CEP68: variants seen among roughly 807,000 people sequenced by gnomAD.
CEP68 encodes centrosomal protein of 68 kDa.
CEP68 carries 26 observed loss-of-function variants against 55.3 expected under a neutral mutation model. The observed-to-expected ratio is 0.47, with a 90% CI of 0.34 to 0.65. CEP68 has a LOEUF of 0.65. Ranked by LOEUF, CEP68 falls within the 30% of genes least tolerant of loss-of-function variation. CEP68 has a pLI of 0.01. For synonymous variants in CEP68, 402 were observed against 383.2 expected (o/e 1.05, Z -0.57); for missense variants, 957 against 946.7 (o/e 1.01, Z -0.14).
rs192550888 is a variant in CEP68, at chr2:65,073,198, C to T, written c.1884+218C>T. ...GAAAGAGCAGAGAGAGGTTAGGTAACGTGCCCACTTATAATTAGCAAGGGC... is the reference window on the plus strand; with the variant it reads ...GAAAGAGCAGAGAGAGGTTAGGTAATGTGCCCACTTATAATTAGCAAGGGC... On this transcript the variant is annotated intron_variant, in intron 3 of 6. Transcript: ENST00000377990. 22 of 624,220 alleles carry T rather than the reference C, an allele frequency of 3.5e-5. No individual in the cohort carries two copies. The East Asian group carries it at 4.6e-4, about 13-fold the overall frequency. The allele number at this position is 624,220 out of a possible 1,614,324, so 38.7% of individuals were successfully genotyped here.
intron 5 of CEP68, chr2:65,080,688 G>A (rs957765679): frequency 3.1e-6 from 1 of 320,352 alleles, no homozygotes. Context: ...CATGGTGGCG[G>A]GCGCCTGTAA....
chr2:65,068,033 C>T (rs1182057563), intron 1 of CEP68, among the ~76,000 whole-genome samples: 1 of 152,196 alleles, frequency 6.6e-6, no homozygotes, highest in African/African-American at 2.4e-5. Flanking sequence ...GCAGGCTCTC[C>T]ACCAGCATCT....
chr2:65,078,055 A>G (rs1228808448), intron 5 of CEP68, 91 bp downstream of exon 5: 56 of 910,906 alleles, frequency 6.1e-5, no homozygotes, highest in Non-Finnish European at 9.2e-5. Context: ...AGGAGCTGGT[A>G]CCACAAGAGC....
intron 2 of CEP68, chr2:65,071,250 A>G: frequency 1.7e-6 from 1 of 587,496 alleles, no homozygotes; most frequent in Non-Finnish European, 3.0e-6. Flanking sequence ...GATGGGAGTC[A>G]TCTTGCTTCC....
intron 3 of CEP68, 127 bp from the exon 4 acceptor site, chr2:65,074,155 C>A: frequency 8.9e-7 from 1 of 1,119,628 alleles, no homozygotes; most frequent in Non-Finnish European, 1.3e-6. Flanking sequence ...GACAGGTGAG[C>A]AAGGAGGAGA....
At chr2:65,064,820 C>CA (rs1289845654) in intron 1 of CEP68, among the ~76,000 whole-genome samples, 1 of 151,958 alleles carries the variant, frequency 6.6e-6, no homozygotes, top group Non-Finnish European at 1.5e-5. Flanking sequence ...TTTTCTAGCT[C>CA]ACGGGCGCAG....
intron 1 of CEP68, among the ~76,000 whole-genome samples, chr2:65,057,714 C>T (rs528203178): frequency 3.3e-5 from 5 of 152,302 alleles, no homozygotes; most frequent in Admixed American, 2.6e-4. Context: ...ACAACAGAAA[C>T]ATTTATTTAA....
chr2:65,080,362 T>G, intron 5 of CEP68: 1 of 985,242 alleles, frequency 1.0e-6, no homozygotes, highest in Non-Finnish European at 1.2e-6. Flanking sequence ...GTTTCCCCCT[T>G]GAGACGTCAG....
At chr2:65,076,598 T>A (rs1676773279) in intron 4 of CEP68, among the ~76,000 whole-genome samples, 1 of 151,900 alleles carries the variant, frequency 6.6e-6, no homozygotes, top group Non-Finnish European at 1.5e-5. Flanking sequence ...TGTTCACATA[T>A]TTTAACTGTG....
intron 1 of CEP68, among the ~76,000 whole-genome samples, chr2:65,065,090 G>A (rs185706562): frequency 2.0e-5 from 3 of 152,330 alleles, no homozygotes; most frequent in South Asian, 2.1e-4. Flanking sequence ...CAGAGGCTTC[G>A]TTTCCCCATC....
chr2:65,074,500 T>C (rs778120426), intron 4 of CEP68, 96 bp downstream of exon 4: 66 of 1,552,184 alleles, frequency 4.3e-5, no homozygotes, highest in Non-Finnish European at 1.2e-5. Flanking sequence ...ATGTCTGGTA[T>C]GTTATAGCTC....
intron 4 of CEP68, 24 bp from the exon 5 acceptor site, chr2:65,077,842 CTT>C (rs1558567512): frequency 1.9e-6 from 3 of 1,559,984 alleles, no homozygotes; most frequent in East Asian, 4.5e-5. Flanking sequence ...AAGCTTCTGC[CTT>C]TTCTTTTTCT....
At chr2:65,069,279 ACCATTTGTTT>A in intron 1 of CEP68, 110 bp from the exon 2 acceptor site, 1 of 586,030 alleles carries the variant, frequency 1.7e-6, no homozygotes, top group Non-Finnish European at 3.0e-6. Flanking sequence ...GGAAGTAGTC[ACCATTTGTTT>A]CCTTTTTTCT....
intron 5 of CEP68, among the ~76,000 whole-genome samples, chr2:65,081,538 C>A (rs1677017340): frequency 6.6e-6 from 1 of 152,164 alleles, no homozygotes; most frequent in Admixed American, 6.5e-5. Flanking sequence ...GAAACTAAGA[C>A]AGCCTTTGTG....
rs142301813 is a variant in CEP68, at chr2:65,086,294, T to C, written c.*2660T>C. Reference sequence around the variant, plus strand: ...ACTCTTCTTCACTATGTAAACTAATTTATGGCAGCACCTTATATTTAGAAC... The same window carrying C: ...ACTCTTCTTCACTATGTAAACTAATCTATGGCAGCACCTTATATTTAGAAC... On this transcript the variant is annotated 3_prime_UTR_variant, in exon 7 of 7. Coordinates refer to ENST00000377990, the MANE Select transcript of CEP68 (RefSeq NM_015147.3). The C allele has an allele frequency of 6.6e-6, 1 of 152,358 alleles. No individual in the cohort carries two copies. Among genetic ancestry groups the C allele is most frequent in the East Asian group, 1.9e-4 (1 of 5,186 alleles). 9.4% of individuals were successfully genotyped at this position (152,358 alleles called of 1,614,324 possible). A position where few individuals can be genotyped will look rare whatever the true frequency, so the allele number is the denominator to read the frequency against.
chr2:65,072,455 G>A lies in CEP68; in HGVS notation c.1359G>A (p.Glu453=), dbSNP rs1676531432. 1 of 1,614,000 alleles carries A rather than the reference G, an allele frequency of 6.2e-7. No individual in the cohort carries two copies. The highest frequency in any genetic ancestry group is 8.5e-7 in the Non-Finnish European group (1 of 1,180,038). The change falls in exon 3 of 7, where the codon GAG becomes GAA. Residue 453 remains glutamate (E), a synonymous_variant. Coordinates refer to ENST00000377990, the MANE Select transcript of CEP68 (RefSeq NM_015147.3). ...GGCCCTCGCCCAGGCCAGAGAGGGA[G>A]AAGAGGACCAGCCAGAGTGCCCGGC... ...RGWPSPRPER[E]KRTSQSARRP...
chr2:65,065,112 G>T (rs1392442316), intron 1 of CEP68, among the ~76,000 whole-genome samples: 1 of 152,240 alleles, frequency 6.6e-6, no homozygotes, highest in African/African-American at 2.4e-5. Flanking sequence ...GTGACGTGAG[G>T]ATTAAAGACC....
chr2:65,065,344 A>G (rs1676114700), intron 1 of CEP68, among the ~76,000 whole-genome samples: 1 of 152,242 alleles, frequency 6.6e-6, no homozygotes, highest in South Asian at 2.1e-4. Flanking sequence ...CCAAATGTCC[A>G]CTAATAAGGG....
chr2:65,068,859 G>C (rs1421130084), intron 1 of CEP68, among the ~76,000 whole-genome samples: 1 of 152,118 alleles, frequency 6.6e-6, no homozygotes, highest in Non-Finnish European at 1.5e-5. Flanking sequence ...GAAAAGAGAG[G>C]GTCCTGCCTC....
Sources: allele counts gnomAD v4.1 joint callset (sites outside exome capture counted in the v4.1 genomes callset), GRCh38; gene constraint gnomAD v4.1.1; transcripts MANE v1.5; gene names NCBI Gene and HGNC (gene_info 2026-07-23, HGNC 2026-07-21).